HMGA2: variants seen among roughly 807,000 people sequenced by gnomAD.
HMGA2 encodes the protein high mobility group AT-hook 2, also known as high mobility group protein HMGI-C.
Under a neutral mutation model 19.1 loss-of-function variants are expected in HMGA2, and 8 were observed. That is an observed-to-expected ratio of 0.42 (90% CI 0.25 to 0.76). HMGA2 has a LOEUF of 0.76. HMGA2 is among the 30% of genes least tolerant of loss of function. The probability of loss-of-function intolerance (pLI) is 0.28; values close to 1 mark genes in which losing one functional copy is unlikely to be tolerated. For synonymous variants in HMGA2, 60 were observed against 48.8 expected (o/e 1.23, Z -0.96); for missense variants, 109 against 136.3 (o/e 0.80, Z 1.00).
chr12:65,836,544 C>G (rs781614323), intron 2 of HMGA2, among the ~76,000 whole-genome samples: 35 of 152,034 alleles, frequency 2.3e-4, no homozygotes, highest in Non-Finnish European at 3.7e-4. Flanking sequence ...AGGACCTGCC[C>G]AAAGTCATAA....
At chr12:65,908,821 A>G (rs139072638) in intron 3 of HMGA2, among the ~76,000 whole-genome samples, 397 of 152,324 alleles carry the variant, frequency 2.6e-3, no homozygotes, top group African/African-American at 8.9e-3. Flanking sequence ...AGTTTCTGCA[A>G]TGTGGTCAAC....
Position 65,882,329 on chromosome 12 carries a change from GCA to G in HMGA2, c.249+43761_249+43762del, listed in dbSNP as rs1203077668. 5.9e-5 allele frequency among the ~76,000 whole-genome samples: 9 copies of G among 152,342 alleles called. No homozygotes were observed. The East Asian group carries it at 9.6e-4, about 16-fold the overall frequency. On this transcript the variant is annotated intron_variant, in intron 3 of 4. Transcript: ENST00000403681. ...CTGCGCTGCCAGGGTTGCGTCTGTA[GCA>G]GGTCCAGCAGCAAAAACAAAACAGG...
chr12:65,946,626 A>G (rs1183212200), intron 3 of HMGA2, among the ~76,000 whole-genome samples: 1 of 152,182 alleles, frequency 6.6e-6, no homozygotes, highest in African/African-American at 2.4e-5. Flanking sequence ...AATACCTACC[A>G]GAAGGAGTGG....
Position 65,831,074 on chromosome 12 carries a change from T to A in HMGA2, c.198+2987T>A, listed in dbSNP as rs1002574826. On this transcript the variant is annotated intron_variant, in intron 2 of 4. Transcript: ENST00000403681. ...TTTTCCTGAATAATTCATTTGTCCA[T>A]GTGTGTATACGTCTGTGTGAGCATA... 97 of 151,952 alleles carry A rather than the reference T, an allele frequency of 6.4e-4. 1 individual carries two copies. Among genetic ancestry groups the A allele is most frequent in the African/African-American group, 2.3e-3 (95 of 41,444 alleles). The allele number at this position is 151,952 out of a possible 1,614,324, so 9.4% of individuals were successfully genotyped here. A position where few individuals can be genotyped will look rare whatever the true frequency, so the allele number is the denominator to read the frequency against.
At chr12:65,945,747 C>G (rs745355659) in intron 3 of HMGA2, among the ~76,000 whole-genome samples, 1 of 152,100 alleles carries the variant, frequency 6.6e-6, no homozygotes, top group South Asian at 2.1e-4. Flanking sequence ...GCTGTGTCTA[C>G]TTATTCAATA....
At chr12:65,881,464 C>A in intron 3 of HMGA2, 1 of 500,364 alleles carries the variant, frequency 2.0e-6, no homozygotes, top group African/African-American at 1.9e-5. Flanking sequence ...CTAAAAAAAA[C>A]CCTTAAAGGA....
At chr12:65,915,651 C>A in intron 3 of HMGA2, 1 of 626,060 alleles carries the variant, frequency 1.6e-6, no homozygotes, top group Non-Finnish European at 2.0e-6. Flanking sequence ...TTCCCAGCTT[C>A]AGATGGGCTG....
At chr12:65,933,336 T>C (rs1875782643) in intron 3 of HMGA2, among the ~76,000 whole-genome samples, 1 of 152,208 alleles carries the variant, frequency 6.6e-6, no homozygotes, top group African/African-American at 2.4e-5. Context: ...GTTTGTTTTT[T>C]ATTATTGTAC....
chr12:65,959,229 A>G (rs758045581), intron 4 of HMGA2, among the ~76,000 whole-genome samples: 14 of 152,242 alleles, frequency 9.2e-5, no homozygotes, highest in African/African-American at 1.4e-4. Context: ...CCAAAGGTAT[A>G]TATACCACAT....
chr12:65,875,589 A>ATATTT (rs1872961419), intron 3 of HMGA2, among the ~76,000 whole-genome samples: 1 of 26,098 alleles, frequency 3.8e-5, no homozygotes, highest in African/African-American at 1.0e-4. Flanking sequence ...GTGCCCGGCT[A>ATATTT]TTTTTTTTTT....
chr12:65,910,056 G>A lies in HMGA2; in HGVS notation c.250-41327G>A, dbSNP rs116950247. Among the ~76,000 whole-genome samples, 580 of 152,308 alleles carry A rather than the reference G, an allele frequency of 3.8e-3. 20 individuals are homozygous for A. In the East Asian group the frequency reaches 0.08, roughly 21 times the overall value. On this transcript the variant is annotated intron_variant, in intron 3 of 4. Transcript: ENST00000403681. ...GGATATATTGAAAAGAGGTAGAGAG[G>A]AAGGAAGGAGAGAGAGCATACACTA...
intron 3 of HMGA2, among the ~76,000 whole-genome samples, chr12:65,922,310 C>T (rs551220568): frequency 3.9e-5 from 6 of 152,292 alleles, no homozygotes; most frequent in South Asian, 2.1e-4. Context: ...GCCACAGGGG[C>T]GGAGCTGCCT....
At chr12:65,945,650 C>G (rs1328688121) in intron 3 of HMGA2, among the ~76,000 whole-genome samples, 1 of 152,148 alleles carries the variant, frequency 6.6e-6, no homozygotes, top group East Asian at 1.9e-4. Context: ...CCCAACCACA[C>G]AAGTCGAGGC....
intron 1 of HMGA2, chr12:65,826,313 A>T (rs999642471): frequency 1.3e-5 from 2 of 152,334 alleles, no homozygotes; most frequent in East Asian, 3.9e-4. Context: ...TTAAGCGTGC[A>T]GCCGGCGCTT....
At chr12:65,924,276 C>A (rs1875426181) in intron 3 of HMGA2, among the ~76,000 whole-genome samples, 1 of 152,046 alleles carries the variant, frequency 6.6e-6, no homozygotes, top group South Asian at 2.1e-4. Flanking sequence ...ACTTCTAATC[C>A]CATTGTTCTT....
chr12:65,841,475 T>C (rs1186022473), intron 3 of HMGA2, among the ~76,000 whole-genome samples: 1 of 152,232 alleles, frequency 6.6e-6, no homozygotes, highest in Non-Finnish European at 1.5e-5. Flanking sequence ...ATATCTTCTG[T>C]TGGGTAGAGT....
Position 65,850,514 on chromosome 12 carries a change from AT to A in HMGA2, c.249+11960del, listed in dbSNP as rs75062051. Among the ~76,000 whole-genome samples the A allele has an allele frequency of 7.2e-3, 1,033 of 143,524 alleles. 1 individual carries two copies. Among genetic ancestry groups the A allele is most frequent in the Non-Finnish European group, 9.0e-3 (586 of 65,114 alleles). The allele number at this position is 143,524 out of a possible 152,430, so 94.2% of individuals were successfully genotyped here. On this transcript the variant is annotated intron_variant, in intron 3 of 4. Coordinates refer to ENST00000403681, the MANE Select transcript of HMGA2 (RefSeq NM_003483.6). ...CATAGTCACAGTATGAAGAGACCGA[AT>A]TTTTTTTTTTTTTTACTAAAAAAAA...
intron 2 of HMGA2, among the ~76,000 whole-genome samples, chr12:65,836,074 G>A (rs191697537): frequency 1.3e-5 from 2 of 152,266 alleles, no homozygotes; most frequent in East Asian, 3.9e-4. Context: ...CATTGACCAA[G>A]GCTTCTGTGA....
intron 3 of HMGA2, chr12:65,914,661 G>A (rs1875000381): frequency 3.6e-6 from 1 of 280,584 alleles, no homozygotes; most frequent in East Asian, 8.0e-5. Flanking sequence ...AAATGTTTTG[G>A]TTGTTTGTTG....
Sources: allele counts gnomAD v4.1 joint callset (sites outside exome capture counted in the v4.1 genomes callset), GRCh38; gene constraint gnomAD v4.1.1; transcripts MANE v1.5; gene names NCBI Gene and HGNC (gene_info 2026-07-23, HGNC 2026-07-21).